The following LRP1B variants were observed in gnomAD, a reference collection of about 807,000 sequenced individuals.
LRP1B encodes low-density lipoprotein receptor-related protein 1B.
In LRP1B, 217 loss-of-function variants were observed where a neutral mutation model predicts 556.6. The ratio of observed to expected loss-of-function variants is 0.39; its 90% CI spans 0.35 to 0.44. The LOEUF (loss-of-function observed/expected upper bound fraction) is 0.44. LRP1B is among the 20% of genes least tolerant of loss of function. The pLI, the probability that LRP1B is intolerant of heterozygous loss-of-function variation, is 1.00. For synonymous variants in LRP1B, 2,047 were observed against 1,865.8 expected, an observed-to-expected ratio of 1.10 and a Z score of -2.50; for missense variants, 5,053 against 5,620.8, an observed-to-expected ratio of 0.90 and a Z score of 3.23.
At chr2:140,866,038 AG>A (rs1163691676) in intron 27 of LRP1B, among the ~76,000 whole-genome samples, 1 of 152,140 alleles carries the variant, frequency 6.6e-6, no homozygotes, top group Admixed American at 6.6e-5. Flanking sequence ...TTGGGTGAGG[AG>A]GAATGATGCA....
At chr2:141,661,609 G>T (rs1404869059) in intron 2 of LRP1B, among the ~76,000 whole-genome samples, 3 of 152,070 alleles carry the variant, frequency 2.0e-5, no homozygotes, top group African/African-American at 7.2e-5. Flanking sequence ...GCTGAAATAA[G>T]ACAAGCAGAC....
At chr2:140,749,258 C>A (rs1358061226) in intron 35 of LRP1B, among the ~76,000 whole-genome samples, 5 of 152,084 alleles carry the variant, frequency 3.3e-5, no homozygotes, top group African/African-American at 1.2e-4. Flanking sequence ...TACACTACTA[C>A]AGACTTTATG....
chr2:140,384,185 C>T (rs952270368), intron 67 of LRP1B, among the ~76,000 whole-genome samples: 5 of 152,166 alleles, frequency 3.3e-5, no homozygotes, highest in Admixed American at 3.3e-4. Context: ...CATCCACCTT[C>T]TTCTGCTTTC....
chr2:140,335,654 G>GAA lies in LRP1B; in HGVS notation c.12076_12077insTT (p.Ala4026ValfsTer10). ...TACTGCAATAGCATAGGGTTCTCCA[G>GAA]CCATATTTGTTAAGAGTCTGGTGCA... On this transcript the variant is annotated frameshift_variant, in exon 78 of 91. Coordinates refer to ENST00000389484, the MANE Select transcript of LRP1B (RefSeq NM_018557.3). LOFTEE classifies it high-confidence loss of function. The GAA allele has an allele frequency of 6.2e-7, 1 of 1,612,122 alleles. No individual in the cohort carries two copies. Among genetic ancestry groups the GAA allele is most frequent in the Non-Finnish European group, 8.5e-7 (1 of 1,178,572 alleles).
chr2:140,859,939 G>A (rs907449355), intron 27 of LRP1B, among the ~76,000 whole-genome samples: 1 of 152,106 alleles, frequency 6.6e-6, no homozygotes, highest in African/African-American at 2.4e-5. Flanking sequence ...AGCTTGCAGT[G>A]AGCGGAGATC....
At chr2:140,610,509 A>G (rs541778916) in intron 41 of LRP1B, among the ~76,000 whole-genome samples, 8 of 152,376 alleles carry the variant, frequency 5.3e-5, no homozygotes, top group African/African-American at 1.9e-4. Context: ...TTCAGCTAAT[A>G]GCTTTGAATC....
intron 41 of LRP1B, among the ~76,000 whole-genome samples, chr2:140,697,065 G>C (rs1686455350): frequency 6.6e-6 from 1 of 152,096 alleles, no homozygotes; most frequent in South Asian, 2.1e-4. Context: ...AGCAAACTGT[G>C]ATTTGAACCC....
intron 2 of LRP1B, among the ~76,000 whole-genome samples, chr2:141,637,896 T>C (rs557825144): frequency 6.6e-6 from 1 of 152,274 alleles, no homozygotes; most frequent in East Asian, 1.9e-4. Context: ...TTTTGCTCAA[T>C]TGGTTCACAA....
chr2:140,459,215 C>T (rs556623163), intron 60 of LRP1B, among the ~76,000 whole-genome samples: 1 of 152,154 alleles, frequency 6.6e-6, no homozygotes, highest in African/African-American at 2.4e-5. Flanking sequence ...AAACTATTCC[C>T]ACCATTTTTC....
intron 7 of LRP1B, among the ~76,000 whole-genome samples, chr2:141,076,697 C>G (rs1699794832): frequency 6.6e-6 from 1 of 152,202 alleles, no homozygotes. Flanking sequence ...CCAGCCCTCT[C>G]TTCCCTGGCT....
At chr2:140,952,161 T>C (rs144836935) in intron 18 of LRP1B, among the ~76,000 whole-genome samples, 1 of 152,164 alleles carries the variant, frequency 6.6e-6, no homozygotes, top group Non-Finnish European at 1.5e-5. Context: ...ACTGAAAGCC[T>C]AGGAGAATTA....
At chr2:140,533,999 G>A (rs1472496467) in intron 47 of LRP1B, 22 bp downstream of exon 47, 2 of 1,612,086 alleles carry the variant, frequency 1.2e-6, no homozygotes, top group African/African-American at 2.7e-5. Context: ...AATATTCTGA[G>A]ATTGATGGAA....
At chr2:140,451,574 A>G (rs41323147) in intron 62 of LRP1B, among the ~76,000 whole-genome samples, 25,887 of 152,106 alleles carry the variant, frequency 0.17, 2,465 homozygotes, top group Non-Finnish European at 0.22. Context: ...TGATTCCATA[A>G]AGATTCCTGA....
chr2:140,700,717 T>C (rs945194658), intron 40 of LRP1B, 96 bp from the exon 41 acceptor site: 49 of 1,252,774 alleles, frequency 3.9e-5, no homozygotes, highest in Admixed American at 2.3e-5. Flanking sequence ...AACTTTGATG[T>C]TGAATATTCT....
intron 35 of LRP1B, among the ~76,000 whole-genome samples, chr2:140,738,739 G>A (rs539093895): frequency 6.1e-4 from 93 of 152,068 alleles, no homozygotes; most frequent in Non-Finnish European, 1.0e-3. Flanking sequence ...TGTCTCTATC[G>A]CCATCTTTAC....
chr2:142,070,483 T>G (rs1423009805), intron 1 of LRP1B, among the ~76,000 whole-genome samples: 3 of 151,884 alleles, frequency 2.0e-5, no homozygotes, highest in Non-Finnish European at 4.4e-5. Flanking sequence ...TTCACACTTT[T>G]TCTTACATTA....
At chr2:141,320,809 C>G (rs1023994901) in intron 3 of LRP1B, among the ~76,000 whole-genome samples, 1 of 151,976 alleles carries the variant, frequency 6.6e-6, no homozygotes. Context: ...CCAACTACAC[C>G]CACTCCTTCA....
intron 32 of LRP1B, among the ~76,000 whole-genome samples, chr2:140,808,688 G>A (rs759834073): frequency 3.3e-5 from 5 of 152,154 alleles, no homozygotes; most frequent in Admixed American, 6.6e-5. Context: ...CACATAGTGA[G>A]CACTGATAAA....
At chr2:140,798,393 A>G (rs1257549269) in intron 32 of LRP1B, among the ~76,000 whole-genome samples, 1 of 152,160 alleles carries the variant, frequency 6.6e-6, no homozygotes, top group Non-Finnish European at 1.5e-5. Flanking sequence ...TTCTCTTCCT[A>G]CCCTTCTCTG....
Sources: allele counts gnomAD v4.1 joint callset (sites outside exome capture counted in the v4.1 genomes callset), GRCh38; gene constraint gnomAD v4.1.1; transcripts MANE v1.5; gene names NCBI Gene and HGNC (gene_info 2026-07-23, HGNC 2026-07-21).